The following EREG variants were observed in gnomAD, a reference collection of about 807,000 sequenced individuals.
EREG encodes proepiregulin.
EREG carries 23 observed loss-of-function variants against 22.4 expected under a neutral mutation model. The ratio of observed to expected loss-of-function variants is 1.03; its 90% CI spans 0.74 to 1.46. The LOEUF (loss-of-function observed/expected upper bound fraction) is 1.46. EREG is among the 40% of genes most tolerant of loss of function. The pLI, the probability that EREG is intolerant of heterozygous loss-of-function variation, is 0.00. For synonymous variants in EREG, 100 were observed against 75.4 expected (o/e 1.33, Z -1.69); for missense variants, 226 against 205.9 (o/e 1.10, Z -0.60).
At chr4:74,370,380 T>A (rs566816535) in intron 1 of EREG, among the ~76,000 whole-genome samples, 1 of 152,348 alleles carries the variant, frequency 6.6e-6, no homozygotes, top group South Asian at 2.1e-4. Context: ...ATACTTTATT[T>A]GGAGTTATCA....
intron 1 of EREG, among the ~76,000 whole-genome samples, chr4:74,378,141 A>G (rs1752413341): frequency 1.3e-5 from 2 of 152,226 alleles, no homozygotes; most frequent in South Asian, 2.1e-4. Flanking sequence ...CTGTGCTTAC[A>G]GAAACTGGAT....
chr4:74,384,690 C>A (rs371136781), intron 4 of EREG, 37 bp from the exon 5 acceptor site: 2 of 1,198,638 alleles, frequency 1.7e-6, no homozygotes, highest in African/African-American at 3.0e-5. Flanking sequence ...TTGCTATTAA[C>A]TGCAGTGCTA....
At chr4:74,375,512 A>ATTTG (rs1752366566) in intron 1 of EREG, among the ~76,000 whole-genome samples, 1 of 146,676 alleles carries the variant, frequency 6.8e-6, no homozygotes, top group African/African-American at 2.5e-5. Context: ...TGTATTTTTA[A>ATTTG]TAGAGACGGG....
chr4:74,379,656 C>T (rs1752441815), intron 2 of EREG, 122 bp downstream of exon 2: 2 of 563,950 alleles, frequency 3.5e-6, no homozygotes, highest in Non-Finnish European at 6.5e-6. Context: ...TGCTATATTA[C>T]TTTTTAAATC....
intron 1 of EREG, among the ~76,000 whole-genome samples, chr4:74,369,228 A>G (rs181164771): frequency 6.6e-6 from 1 of 152,008 alleles, no homozygotes; most frequent in African/African-American, 2.4e-5. Flanking sequence ...GAATTGTGAG[A>G]TTTTAGTGCG....
rs1308093489 is a variant in EREG at position 74,381,111 on chromosome 4, G to C, written c.252G>C (p.Leu84=). ...GYCLHGQCIY[L]VDMSQNYCRC... ...GTTTGCATGGACAGTGCATCTATCT[G>C]GTGGACATGAGTCAAAACTACTGCA... The change falls in exon 3 of 5, where the codon CTG becomes CTC. Residue 84 remains leucine (L), a synonymous_variant. Coordinates refer to ENST00000244869, the MANE Select transcript of EREG (RefSeq NM_001432.3). 1 of 1,612,796 alleles carries C rather than the reference G, an allele frequency of 6.2e-7. No homozygotes were observed. Among genetic ancestry groups the C allele is most frequent in the African/African-American group, 1.3e-5 (1 of 74,864 alleles).
chr4:74,374,953 G>A (rs1218286211), intron 1 of EREG, among the ~76,000 whole-genome samples: 1 of 152,282 alleles, frequency 6.6e-6, no homozygotes, highest in East Asian at 1.9e-4. Context: ...CAGCTGTATT[G>A]TAAAAGAAGC....
intron 3 of EREG, chr4:74,381,378 G>T: frequency 3.3e-6 from 1 of 301,900 alleles, no homozygotes. Flanking sequence ...ATGACCATGT[G>T]TACACATTAT....
chr4:74,375,306 C>CT lies in EREG; in HGVS notation c.68-4112dup, dbSNP rs71219383. Among the ~76,000 whole-genome samples, 503 of 61,058 alleles carry CT rather than the reference C, an allele frequency of 8.2e-3. 51 individuals carry two copies. Among genetic ancestry groups the CT allele is most frequent in the African/African-American group, 0.011 (159 of 13,850 alleles). 40.1% of individuals were successfully genotyped at this position (61,058 alleles called of 152,430 possible). A position where few individuals can be genotyped will look rare whatever the true frequency, so the allele number is the denominator to read the frequency against. ...CTCATTAAAGTAATGACTAGCGATT[C>CT]TTTTTTTTTTTTTTTTTTTTTTTTT... On this transcript the variant is annotated intron_variant, in intron 1 of 4. Coordinates refer to ENST00000244869, the MANE Select transcript of EREG (RefSeq NM_001432.3).
intron 1 of EREG, among the ~76,000 whole-genome samples, chr4:74,375,306 CTTTTTTTTTTTTTTTTTT>C (rs71219383): frequency 3.3e-5 from 2 of 61,014 alleles, no homozygotes; most frequent in Non-Finnish European, 5.5e-5. Context: ...ACTAGCGATT[CTTTTTTTTTTTTTTTTTT>C]TTTTTTTTTT....
chr4:74,382,565 T>G lies in EREG; in HGVS notation c.279-80T>G. 13 of 1,142,458 alleles carry G rather than the reference T, an allele frequency of 1.1e-5. No individual in the cohort carries two copies. The South Asian group carries it at 2.1e-4, about 18-fold the overall frequency. The allele number at this position is 1,142,458 out of a possible 1,614,324, so 70.8% of individuals were successfully genotyped here. The stretch of plus-strand genomic sequence containing the variant: ...TGATTTCTTGCATTACAGTGTGATG[T>G]TAGTCCTTATAAAACTAATTCATAA... On this transcript the variant is annotated intron_variant, in intron 3 of 4. Transcript: ENST00000244869.
rs1385159309 is a variant in EREG at position 74,375,711 on chromosome 4, A to T, written c.68-3737A>T. Among the ~76,000 whole-genome samples, 4 of 151,840 alleles carry T rather than the reference A, an allele frequency of 2.6e-5. No homozygotes were observed. The South Asian group carries it at 8.4e-4, about 32-fold the overall frequency. The stretch of plus-strand genomic sequence containing the variant: ...ATTTTTTATTCATTGGATCGCATTC[A>T]CTCTTCTACCCTAGTTTGCAAGTGT... On this transcript the variant is annotated intron_variant, in intron 1 of 4. Coordinates refer to ENST00000244869, the MANE Select transcript of EREG (RefSeq NM_001432.3).
intron 1 of EREG, among the ~76,000 whole-genome samples, chr4:74,377,104 AGAGGCT>A (rs1752394272): frequency 1.3e-5 from 2 of 151,814 alleles, no homozygotes; most frequent in Non-Finnish European, 2.9e-5. Context: ...TGCTAAAACC[AGAGGCT>A]AGAAGTTGAG....
chr4:74,379,818 A>G (rs1752444461), intron 2 of EREG, among the ~76,000 whole-genome samples: 2 of 152,182 alleles, frequency 1.3e-5, no homozygotes, highest in Non-Finnish European at 2.9e-5. Context: ...CTGGCACTTT[A>G]CTGCGAAACA....
chr4:74,382,033 A>C (rs1578822698), intron 3 of EREG: 1 of 131,346 alleles, frequency 7.6e-6, no homozygotes, highest in Admixed American at 8.2e-5. Flanking sequence ...GGCCAGGCGC[A>C]GTGGCTCAAC....
At chr4:74,378,544 A>C (rs748863434) in intron 1 of EREG, among the ~76,000 whole-genome samples, 4 of 152,198 alleles carry the variant, frequency 2.6e-5, no homozygotes, top group Non-Finnish European at 5.9e-5. Context: ...TAATTAATTT[A>C]GTGGAGCTTA....
At chr4:74,374,157 G>A (rs954039027) in intron 1 of EREG, among the ~76,000 whole-genome samples, 1 of 152,160 alleles carries the variant, frequency 6.6e-6, no homozygotes, top group African/African-American at 2.4e-5. Context: ...GGTCTAAATA[G>A]CCTAAAAGGT....
chr4:74,384,364 T>C (rs1752532456), intron 4 of EREG, among the ~76,000 whole-genome samples: 1 of 152,068 alleles, frequency 6.6e-6, no homozygotes, highest in African/African-American at 2.4e-5. Context: ...GCATGATTTG[T>C]AAATATTCAT....
intron 1 of EREG, 121 bp from the exon 2 acceptor site, chr4:74,379,327 T>C: frequency 3.2e-6 from 2 of 620,910 alleles, no homozygotes; most frequent in Non-Finnish European, 5.9e-6. Context: ...TGTTTTATGG[T>C]TTTGATGGAC....
Sources: gnomAD v4.1 joint callset for allele counts (sites outside exome capture counted in the v4.1 genomes callset) on GRCh38, gnomAD v4.1.1 for gene constraint, MANE v1.5 for transcripts, NCBI Gene and HGNC (gene_info 2026-07-23, HGNC 2026-07-21) for gene names.